The following CISD2 variants were observed in gnomAD, a reference collection of about 807,000 sequenced individuals.
The protein encoded by CISD2 is CDGSH iron-sulfur domain-containing protein 2.
A neutral mutation model predicts 12.9 loss-of-function variants in CISD2; 1 was observed. The observed-to-expected ratio is 0.08, with a 90% CI of 0.03 to 0.37. The LOEUF is 0.37. Among genes scored for constraint, CISD2 ranks in the 10% least tolerant of loss-of-function variants. The probability of loss-of-function intolerance (pLI) is 0.99; values close to 1 mark genes in which losing one functional copy is unlikely to be tolerated. For synonymous variants in CISD2, 50 were observed against 60.6 expected, an observed-to-expected ratio of 0.83 and a Z score of 0.81; for missense variants, 97 against 163.1, an observed-to-expected ratio of 0.59 and a Z score of 2.21.
chr4:102,879,535 C>G (rs1469876671), intron 1 of CISD2, among the ~76,000 whole-genome samples: 1 of 152,106 alleles, frequency 6.6e-6, no homozygotes, highest in African/African-American at 2.4e-5. Flanking sequence ...GTAATCTCAG[C>G]ACTTTGGGAG....
At chr4:102,870,410 G>A (rs189764454) in intron 1 of CISD2, among the ~76,000 whole-genome samples, 1 of 152,184 alleles carries the variant, frequency 6.6e-6, no homozygotes, top group East Asian at 1.9e-4. Context: ...TCTGGTGGTG[G>A]GTGGTCGATA....
rs777927388 is a variant in CISD2, at chr4:102,885,465, G to T, written c.318+35G>T. 4.5e-6 allele frequency: 7 copies of T among 1,540,190 alleles called. 1 individual carries two copies. Among genetic ancestry groups the T allele is most frequent in the Middle Eastern group, 1.7e-4 (1 of 5,724 alleles). On this transcript the variant is annotated intron_variant, in intron 2 of 2. Transcript: ENST00000273986. ...CTGTTTACGTGTACACTAAAATTTT[G>T]CAGTGCTAGGATTGTTTCGCCTCTT...
At chr4:102,882,671 T>C (rs72935540) in intron 1 of CISD2, 2,795 of 152,458 alleles carry the variant, frequency 0.018, 79 homozygotes, top group African/African-American at 0.061. Flanking sequence ...AGGTTACCAG[T>C]GTGTCTTAGA....
Position 102,870,334 on chromosome 4 carries a change from T to G in CISD2, c.103+1147T>G, listed in dbSNP as rs1310087708. 2.0e-5 allele frequency among the ~76,000 whole-genome samples: 3 copies of G among 152,082 alleles called. No homozygotes were observed. The East Asian group carries it at 5.8e-4, about 29-fold the overall frequency. On this transcript the variant is annotated intron_variant, in intron 1 of 2. Coordinates refer to ENST00000273986, the MANE Select transcript of CISD2 (RefSeq NM_001008388.5). ...TTTTTTTTTAAATTAAAGAATGCTT[T>G]CCCCAAACAAATGTGGTGCTTCAGT...
At chr4:102,876,361 A>G in intron 1 of CISD2, among the ~76,000 whole-genome samples, 1 of 152,238 alleles carries the variant, frequency 6.6e-6, no homozygotes, top group Non-Finnish European at 1.5e-5. Context: ...AGCACTGGTT[A>G]CATAGATATA....
At chr4:102,873,037 C>G (rs773358472) in intron 1 of CISD2, among the ~76,000 whole-genome samples, 1 of 152,054 alleles carries the variant, frequency 6.6e-6, no homozygotes, top group African/African-American at 2.4e-5. Context: ...GAAGTAGTGC[C>G]GAGCAAAGGA....
At chr4:102,876,749 G>GA (rs112675674) in intron 1 of CISD2, among the ~76,000 whole-genome samples, 2,879 of 142,882 alleles carry the variant, frequency 0.02, 78 homozygotes, top group African/African-American at 0.063. Flanking sequence ...ACTCCATCTG[G>GA]AAAAAAAAAA....
intron 1 of CISD2, among the ~76,000 whole-genome samples, chr4:102,875,070 G>A (rs948385175): frequency 6.6e-6 from 1 of 152,186 alleles, no homozygotes; most frequent in African/African-American, 2.4e-5. Flanking sequence ...GTCATCATAC[G>A]GCACCTGCTC....
rs1247304404 is a variant in CISD2, at chr4:102,869,203, C to T, written c.103+16C>T. 1 of 1,593,106 alleles carries T rather than the reference C, an allele frequency of 6.3e-7. No homozygotes were observed. Among genetic ancestry groups the T allele is most frequent in the African/African-American group, 1.3e-5 (1 of 74,390 alleles). On this transcript the variant is annotated intron_variant, in intron 1 of 2. Transcript: ENST00000273986. ...AGGCTCACAGGTAATCCTCCCCCATCAGCCAGTCCCCATCCTTGCACGTTC... is the reference window on the plus strand; with the variant it reads ...AGGCTCACAGGTAATCCTCCCCCATTAGCCAGTCCCCATCCTTGCACGTTC...
chr4:102,869,233 A>C (rs1426078483), intron 1 of CISD2, 46 bp downstream of exon 1: 1 of 1,565,298 alleles, frequency 6.4e-7, no homozygotes, highest in Non-Finnish European at 8.7e-7. Context: ...ACGTTCGCCA[A>C]GCGGGGGAAG....
At chr4:102,878,925 G>T (rs1490427582) in intron 1 of CISD2, among the ~76,000 whole-genome samples, 1 of 152,122 alleles carries the variant, frequency 6.6e-6, no homozygotes, top group Non-Finnish European at 1.5e-5. Flanking sequence ...CCCCAAACTG[G>T]GTAATTTATA....
intron 1 of CISD2, among the ~76,000 whole-genome samples, chr4:102,871,452 A>G (rs554060642): frequency 6.6e-6 from 1 of 152,336 alleles, no homozygotes; most frequent in Non-Finnish European, 1.5e-5. Flanking sequence ...GTCCCATTAC[A>G]GTGTGGCTAT....
At position 102,885,386 on chromosome 4, in the gene CISD2, T is replaced by A. The variant is rs1296964291; in HGVS notation, c.274T>A (p.Cys92Ser). 6.2e-7 allele frequency: 1 copy of A among 1,614,118 alleles called. No homozygotes were observed. Among genetic ancestry groups the A allele is most frequent in the Admixed American group, 1.7e-5 (1 of 60,026 alleles). The change falls in exon 2 of 3, where the codon TGT becomes AGT. Residue 92 changes from cysteine to serine, a missense_variant. By Grantham distance (112) the Cys-to-Ser change is moderately radical. Transcript: ENST00000273986. ...VVNEINIEDLCLTKAAYCRCW... is the reference protein window; with the variant it reads ...VVNEINIEDLSLTKAAYCRCW... ...GAATGAAATAAACATTGAAGATTTG[T>A]GTCTTACTAAAGCAGCTTATTGTAG...
rs563375888 is a variant in CISD2, at chr4:102,889,796, T to C, written c.*2366T>C. 2.0e-5 allele frequency: 3 copies of C among 152,304 alleles called. No individual in the cohort carries two copies. Among genetic ancestry groups the C allele is most frequent in the South Asian group, 4.1e-4 (2 of 4,824 alleles). 9.4% of individuals were successfully genotyped at this position (152,304 alleles called of 1,614,324 possible). A position where few individuals can be genotyped will look rare whatever the true frequency, so the allele number is the denominator to read the frequency against. ...AGCAGTTTGCATTACTTCTTGTAAA[T>C]TTACACAATTTTATCTTGTCCATCT... On this transcript the variant is annotated 3_prime_UTR_variant, in exon 3 of 3. Coordinates refer to ENST00000273986, the MANE Select transcript of CISD2 (RefSeq NM_001008388.5).
rs1734315279 is a variant in CISD2 at position 102,892,748 on chromosome 4, A to C, written c.*5318A>C. On this transcript the variant is annotated 3_prime_UTR_variant, in exon 3 of 3. Transcript: ENST00000273986. ...ACAGAAAAGGAGAAAAGGGTAGTAC[A>C]TTTCATAATTAGAGATAACCCTGTA... 1.3e-5 allele frequency: 2 copies of C among 152,230 alleles called. No individual in the cohort carries two copies. Among genetic ancestry groups the C allele is most frequent in the African/African-American group, 2.4e-5 (1 of 41,462 alleles). The allele number at this position is 152,230 out of a possible 1,614,324, so 9.4% of individuals were successfully genotyped here.
intron 1 of CISD2, among the ~76,000 whole-genome samples, chr4:102,879,908 C>T (rs966195370): frequency 8.6e-5 from 13 of 151,904 alleles, no homozygotes; most frequent in African/African-American, 3.1e-4. Flanking sequence ...AAATAAGGTC[C>T]CTGCCCTTGT....
At chr4:102,886,655 A>G (rs1281883789) in intron 2 of CISD2, among the ~76,000 whole-genome samples, 2 of 152,014 alleles carry the variant, frequency 1.3e-5, no homozygotes, top group African/African-American at 2.4e-5. Context: ...TTGCTCTGTC[A>G]CTCAGGCTGA....
At chr4:102,871,537 A>G (rs539245666) in intron 1 of CISD2, among the ~76,000 whole-genome samples, 7 of 152,306 alleles carry the variant, frequency 4.6e-5, no homozygotes, top group East Asian at 3.9e-4. Flanking sequence ...TTTATGAAAA[A>G]CATGAGATAG....
rs1734245657 is a variant in CISD2 at position 102,891,455 on chromosome 4, C to T, written c.*4025C>T. ...TTCTGCATACAACTGTCTCTGAGGA[C>T]ATCACTGTGATCAAATTATACAAGT... On this transcript the variant is annotated 3_prime_UTR_variant, in exon 3 of 3. Transcript: ENST00000273986. 6.6e-6 allele frequency: 1 copy of T among 152,150 alleles called. No homozygotes were observed. The highest frequency in any genetic ancestry group is 1.5e-5 in the Non-Finnish European group (1 of 68,038). The allele number at this position is 152,150 out of a possible 1,614,324, so 9.4% of individuals were successfully genotyped here.
Sources: gnomAD v4.1 joint callset for allele counts (sites outside exome capture counted in the v4.1 genomes callset) on GRCh38, gnomAD v4.1.1 for gene constraint, MANE v1.5 for transcripts, NCBI Gene and HGNC (gene_info 2026-07-23, HGNC 2026-07-21) for gene names.